Variants in TACC1 observed in about 807,000 individuals in gnomAD.
TACC1 encodes transforming acidic coiled-coil containing protein 1, also known as transforming acidic coiled-coil-containing protein 1.
TACC1 carries 48 observed loss-of-function variants against 84.4 expected under a neutral mutation model. That is an observed-to-expected ratio of 0.57 (90% CI 0.45 to 0.72). The LOEUF (loss-of-function observed/expected upper bound fraction) is 0.72, where lower values mean the gene tolerates loss of function less well. Ranked by LOEUF, TACC1 falls within the 30% of genes least tolerant of loss-of-function variation. The pLI, the probability that TACC1 is intolerant of heterozygous loss-of-function variation, is 0.00. For synonymous variants in TACC1, 372 were observed against 376.3 expected, an observed-to-expected ratio of 0.99 and a Z score of 0.13; for missense variants, 920 against 973.0, an observed-to-expected ratio of 0.95 and a Z score of 0.72.
At chr8:38,766,110 C>A (rs1055794554) in intron 3 of TACC1, among the ~76,000 whole-genome samples, 1 of 152,192 alleles carries the variant, frequency 6.6e-6, no homozygotes, top group African/African-American at 2.4e-5. Context: ...CTGTTCTCTG[C>A]TCTTCCTTTA....
At chr8:38,774,272 A>G (rs912803065) in intron 3 of TACC1, among the ~76,000 whole-genome samples, 10 of 152,176 alleles carry the variant, frequency 6.6e-5, no homozygotes, top group African/African-American at 2.4e-4. Context: ...TATTTCATAC[A>G]TGACAATTTA....
intron 3 of TACC1, among the ~76,000 whole-genome samples, chr8:38,754,885 G>A (rs1021729737): frequency 7.9e-5 from 12 of 152,180 alleles, no homozygotes; most frequent in Admixed American, 3.9e-4. Context: ...AGATCTGGCC[G>A]GGCACAGTGG....
intron 1 of TACC1, among the ~76,000 whole-genome samples, chr8:38,732,828 C>T (rs1805227335): frequency 6.6e-6 from 1 of 152,196 alleles, no homozygotes; most frequent in South Asian, 2.1e-4. Flanking sequence ...GGTATGAGTG[C>T]TTAAACCCAA....
intron 2 of TACC1, among the ~76,000 whole-genome samples, chr8:38,807,842 A>G (rs915726174): frequency 3.0e-4 from 46 of 152,216 alleles, no homozygotes; most frequent in African/African-American, 9.9e-4. Context: ...TTTGCATTCC[A>G]TACCTTTTCT....
intron 7 of TACC1, among the ~76,000 whole-genome samples, chr8:38,837,105 C>G (rs1014881517): frequency 1.7e-5 from 2 of 120,916 alleles, no homozygotes; most frequent in East Asian, 4.7e-4. Context: ...CCACCAAAAT[C>G]TTTTTTTTTT....
intron 1 of TACC1, among the ~76,000 whole-genome samples, chr8:38,729,580 C>T (rs1031725108): frequency 1.3e-5 from 2 of 152,148 alleles, no homozygotes; most frequent in Admixed American, 1.3e-4. Flanking sequence ...TAAAAAACGT[C>T]TTGTGTGGCC....
intron 1 of TACC1, among the ~76,000 whole-genome samples, chr8:38,740,710 A>G (rs78088300): frequency 0.011 from 1,720 of 152,304 alleles, 18 homozygotes; most frequent in Middle Eastern, 0.024. Flanking sequence ...TATATCTGGC[A>G]GGTACCATTC....
At chr8:38,787,223 G>A (rs1484848668), upstream of TACC1, 4 of 998,844 alleles carry the variant, frequency 4.0e-6, no homozygotes, top group East Asian at 1.0e-4. Context: ...GCGCCCCGCC[G>A]GCCGGGAGGC....
intron 2 of TACC1, among the ~76,000 whole-genome samples, chr8:38,796,744 A>C (rs1373040501): frequency 6.6e-6 from 1 of 152,228 alleles, no homozygotes; most frequent in Non-Finnish European, 1.5e-5. Context: ...CACCTGAGTC[A>C]TGCATGGTTG....
In TACC1 at chr8:38,794,024, G is replaced by A. The variant is rs866151729; in HGVS notation, c.277+5205G>A. 3.9e-5 allele frequency among the ~76,000 whole-genome samples: 6 copies of A among 152,204 alleles called. 1 individual carries two copies. The highest frequency in any genetic ancestry group is 2.6e-4 in the Admixed American group (4 of 15,282). On this transcript the variant is annotated intron_variant, in intron 2 of 12. Transcript: ENST00000317827. ...CCTGCTGAACAAATGAACTGTGGGCGTGAGGTGCCATTAGTCTAGGCCTGC... is the reference window on the plus strand; with the variant it reads ...CCTGCTGAACAAATGAACTGTGGGCATGAGGTGCCATTAGTCTAGGCCTGC...
chr8:38,791,261 C>T (rs894137018), intron 2 of TACC1, among the ~76,000 whole-genome samples: 25 of 152,088 alleles, frequency 1.6e-4, no homozygotes, highest in African/African-American at 5.8e-4. Flanking sequence ...TTTTTTCATT[C>T]TCTCTAAAAG....
At chr8:38,845,846 G>A (rs546100947) in intron 11 of TACC1, among the ~76,000 whole-genome samples, 2 of 152,256 alleles carry the variant, frequency 1.3e-5, no homozygotes, top group South Asian at 4.2e-4. Flanking sequence ...CTTGTATCTC[G>A]GCCCACACAG....
chr8:38,834,660 G>T (rs1277127123), intron 6 of TACC1, among the ~76,000 whole-genome samples: 3 of 152,150 alleles, frequency 2.0e-5, no homozygotes, highest in Non-Finnish European at 2.9e-5. Context: ...CTTTTCTGTG[G>T]CCTGAGACAG....
chr8:38,787,123 C>CCCGGCGCCG, upstream of TACC1: 1 of 983,960 alleles, frequency 1.0e-6, no homozygotes, highest in Non-Finnish European at 1.2e-6. Flanking sequence ...TCTTCAAAGC[C>CCCGGCGCCG]CCGGCGCCGC....
chr8:38,760,539 G>A (rs1265893403), intron 3 of TACC1, among the ~76,000 whole-genome samples: 1 of 148,870 alleles, frequency 6.7e-6, no homozygotes, highest in African/African-American at 2.5e-5. Flanking sequence ...AGACCTAATT[G>A]TTTTTTTTTT....
chr8:38,753,302 C>A (rs1809376229), intron 3 of TACC1, among the ~76,000 whole-genome samples: 1 of 152,146 alleles, frequency 6.6e-6, no homozygotes, highest in East Asian at 1.9e-4. Flanking sequence ...AGGGGACTCT[C>A]TATGTTGCCC....
chr8:38,846,584 C>A, intron 11 of TACC1, 115 bp from the exon 12 acceptor site: 1 of 1,254,688 alleles, frequency 8.0e-7, no homozygotes, highest in Non-Finnish European at 1.1e-6. Flanking sequence ...CTCATGCAGT[C>A]AATTCTTTGA....
intron 6 of TACC1, among the ~76,000 whole-genome samples, chr8:38,835,095 T>C (rs1473465051): frequency 2.0e-5 from 3 of 151,918 alleles, no homozygotes; most frequent in East Asian, 3.9e-4. Context: ...CTACTAAAAA[T>C]ACAGAAAAAT....
rs1272605940 is a variant in TACC1 at position 38,850,692 on chromosome 8, G to A, written c.*2669G>A. On this transcript the variant is annotated 3_prime_UTR_variant, in exon 13 of 13. Coordinates refer to ENST00000317827, the MANE Select transcript of TACC1 (RefSeq NM_006283.3). ...TGGTCCCAGCTACTTGGGAGGCTGAGGTGGGAGCCTGGGAGGTCAAGGCTG... is the reference window on the plus strand; with the variant it reads ...TGGTCCCAGCTACTTGGGAGGCTGAAGTGGGAGCCTGGGAGGTCAAGGCTG... 6.6e-6 allele frequency: 1 copy of A among 151,194 alleles called. No individual in the cohort carries two copies. The highest frequency in any genetic ancestry group is 1.9e-4 in the East Asian group (1 of 5,142). 9.4% of individuals were successfully genotyped at this position (151,194 alleles called of 1,614,324 possible).
Sources: gnomAD v4.1 joint callset for allele counts (sites outside exome capture counted in the v4.1 genomes callset) on GRCh38, gnomAD v4.1.1 for gene constraint, MANE v1.5 for transcripts, NCBI Gene and HGNC (gene_info 2026-07-23, HGNC 2026-07-21) for gene names.